The following CACNA2D1 variants were observed in gnomAD, a reference collection of about 807,000 sequenced individuals.
CACNA2D1 encodes calcium voltage-gated channel auxiliary subunit alpha2delta 1.
CACNA2D1 carries 53 observed loss-of-function variants against 171.5 expected under a neutral mutation model. That is an observed-to-expected ratio of 0.31 (90% CI 0.25 to 0.39). The LOEUF (loss-of-function observed/expected upper bound fraction) is 0.39, where lower values mean the gene tolerates loss of function less well. Ranked by LOEUF, CACNA2D1 falls within the 10% of genes least tolerant of loss-of-function variation. The pLI is 1.00. For missense variants in CACNA2D1, 903 were observed against 1,299.8 expected, an observed-to-expected ratio of 0.69 and a Z score of 4.69; for synonymous variants, 442 against 443.1, an observed-to-expected ratio of 1.00 and a Z score of 0.03.
chr7:82,044,921 CAGTTAAG>C (rs1267003184), intron 10 of CACNA2D1, among the ~76,000 whole-genome samples: 25 of 152,070 alleles, frequency 1.6e-4, no homozygotes, highest in African/African-American at 6.0e-4. Context: ...GATACATTCC[CAGTTAAG>C]AGTTATTTCT....
chr7:81,988,891 G>A (rs1797243475), intron 21 of CACNA2D1, among the ~76,000 whole-genome samples: 1 of 152,108 alleles, frequency 6.6e-6, no homozygotes, highest in Non-Finnish European at 1.5e-5. Flanking sequence ...GTAGAAATAA[G>A]TTTCTCTATA....
At chr7:82,439,581 T>C (rs2129459827) in intron 1 of CACNA2D1, among the ~76,000 whole-genome samples, 1 of 151,762 alleles carries the variant, frequency 6.6e-6, no homozygotes, top group East Asian at 1.9e-4. Flanking sequence ...ATGCTTAGAT[T>C]CTTGTATTTT....
intron 1 of CACNA2D1, among the ~76,000 whole-genome samples, chr7:82,357,272 T>A (rs1232982269): frequency 6.6e-6 from 1 of 152,122 alleles, no homozygotes; most frequent in African/African-American, 2.4e-5. Context: ...ACGAAAAAAA[T>A]ATGGTAATCC....
intron 38 of CACNA2D1, among the ~76,000 whole-genome samples, chr7:81,957,078 AAAATCTG>A (rs1322993701): frequency 1.8e-4 from 27 of 152,280 alleles, no homozygotes; most frequent in African/African-American, 6.5e-4. Flanking sequence ...AAAAAGTAGA[AAAATCTG>A]AAAGGAATTG....
chr7:82,278,737 A>AGAT (rs1305989776), intron 3 of CACNA2D1, among the ~76,000 whole-genome samples: 1 of 152,112 alleles, frequency 6.6e-6, no homozygotes, highest in African/African-American at 2.4e-5. Flanking sequence ...ATAACCTACA[A>AGAT]GATTGTAATT....
At chr7:82,440,831 AC>A (rs1384462321) in intron 1 of CACNA2D1, among the ~76,000 whole-genome samples, 1 of 151,894 alleles carries the variant, frequency 6.6e-6, no homozygotes, top group Non-Finnish European at 1.5e-5. Flanking sequence ...TTAAAAAAAA[AC>A]TTTGAACTAC....
chr7:81,952,401 C>T (rs1436032117), intron 38 of CACNA2D1, among the ~76,000 whole-genome samples: 3 of 151,826 alleles, frequency 2.0e-5, no homozygotes, highest in African/African-American at 7.3e-5. Flanking sequence ...TTTAAGGCAG[C>T]AGAACTATTT....
At chr7:82,067,113 T>G (rs1807735827) in intron 7 of CACNA2D1, among the ~76,000 whole-genome samples, 1 of 152,190 alleles carries the variant, frequency 6.6e-6, no homozygotes, top group South Asian at 2.1e-4. Flanking sequence ...TTTCACAGCC[T>G]TTATCTTTTT....
chr7:82,137,526 C>T (rs1791768238), intron 4 of CACNA2D1, among the ~76,000 whole-genome samples: 1 of 151,912 alleles, frequency 6.6e-6, no homozygotes, highest in Non-Finnish European at 1.5e-5. Context: ...AAACTCACTA[C>T]GATGTGAACA....
chr7:82,195,140 C>T (rs1186844515), intron 3 of CACNA2D1, among the ~76,000 whole-genome samples: 3 of 151,958 alleles, frequency 2.0e-5, no homozygotes, highest in Non-Finnish European at 4.4e-5. Flanking sequence ...TTAACCTATA[C>T]TCTGTTAATG....
intron 3 of CACNA2D1, among the ~76,000 whole-genome samples, chr7:82,244,209 T>C (rs746246560): frequency 3.9e-5 from 6 of 152,070 alleles, no homozygotes; most frequent in Non-Finnish European, 8.8e-5. Context: ...TTAATCTCGA[T>C]AAATAATACT....
At chr7:82,288,648 G>C (rs1343809655) in intron 3 of CACNA2D1, among the ~76,000 whole-genome samples, 1 of 152,084 alleles carries the variant, frequency 6.6e-6, no homozygotes, top group Admixed American at 6.6e-5. Flanking sequence ...TTTTCTTCTA[G>C]TATTAATTTT....
chr7:82,181,217 G>A (rs972998562), intron 3 of CACNA2D1, among the ~76,000 whole-genome samples: 1 of 151,938 alleles, frequency 6.6e-6, no homozygotes, highest in Non-Finnish European at 1.5e-5. Context: ...TGTCAAGGCA[G>A]TAACCATGTT....
At chr7:82,016,054 G>GT (rs905908760) in intron 12 of CACNA2D1, among the ~76,000 whole-genome samples, 69 of 152,156 alleles carry the variant, frequency 4.5e-4, no homozygotes, top group African/African-American at 1.6e-3. Context: ...ACAGAAGTTG[G>GT]TTTTTTTCTC....
chr7:82,173,522 G>T (rs892118072), intron 3 of CACNA2D1, among the ~76,000 whole-genome samples: 3 of 151,796 alleles, frequency 2.0e-5, no homozygotes, highest in Non-Finnish European at 2.9e-5. Flanking sequence ...TTTTTACCTA[G>T]CAAATTTCAT....
chr7:81,960,350 T>A (rs529510304), intron 36 of CACNA2D1, among the ~76,000 whole-genome samples: 15 of 152,194 alleles, frequency 9.9e-5, no homozygotes, highest in Non-Finnish European at 2.1e-4. Context: ...TATTGGGCAC[T>A]TAAAATGTGA....
chr7:82,209,691 T>G (rs1800367902), intron 3 of CACNA2D1, among the ~76,000 whole-genome samples: 1 of 152,166 alleles, frequency 6.6e-6, no homozygotes, highest in Admixed American at 6.6e-5. Context: ...AATTTTTTCT[T>G]ATAACCAAAG....
chr7:82,362,132 G>A (rs1351520243), intron 1 of CACNA2D1, among the ~76,000 whole-genome samples: 3 of 152,140 alleles, frequency 2.0e-5, no homozygotes, highest in African/African-American at 7.2e-5. Flanking sequence ...GCACGCCCAT[G>A]TAACTCACCA....
At chr7:82,126,309 G>A (rs375596908) in intron 5 of CACNA2D1, among the ~76,000 whole-genome samples, 7 of 152,188 alleles carry the variant, frequency 4.6e-5, no homozygotes, top group African/African-American at 1.7e-4. Context: ...TTATTTAGAA[G>A]AAACAAAAAT....
Sources: gnomAD v4.1 joint callset for allele counts (sites outside exome capture counted in the v4.1 genomes callset) on GRCh38, gnomAD v4.1.1 for gene constraint, MANE v1.5 for transcripts, NCBI Gene and HGNC (gene_info 2026-07-23, HGNC 2026-07-21) for gene names.